Variants in LNPEP observed in about 807,000 individuals in gnomAD.
LNPEP encodes leucyl-cystinyl aminopeptidase.
In LNPEP, 64 loss-of-function variants were observed where a neutral mutation model predicts 120.6. The observed-to-expected ratio is 0.53, with a 90% CI of 0.43 to 0.65. LNPEP has a LOEUF of 0.65. LNPEP is among the 30% of genes least tolerant of loss of function. The pLI, the probability that LNPEP is intolerant of heterozygous loss-of-function variation, is 0.00. For synonymous variants in LNPEP, 435 were observed against 425.4 expected, an observed-to-expected ratio of 1.02 and a Z score of -0.28; for missense variants, 1,057 against 1,200.0, an observed-to-expected ratio of 0.88 and a Z score of 1.76.
intron 7 of LNPEP, 76 bp from the exon 8 acceptor site, chr5:96,997,938 A>T: frequency 9.6e-7 from 1 of 1,046,408 alleles, no homozygotes; most frequent in South Asian, 1.6e-5. Context: ...TAATTAGTCT[A>T]ATTCACATAA....
chr5:96,981,638 G>A (rs1177181472), intron 2 of LNPEP, among the ~76,000 whole-genome samples: 5 of 152,100 alleles, frequency 3.3e-5, no homozygotes, highest in Non-Finnish European at 5.9e-5. Context: ...CTAAAAGTCT[G>A]TTTGCATACT....
chr5:96,947,992 C>T (rs993728592), intron 1 of LNPEP, among the ~76,000 whole-genome samples: 3 of 152,046 alleles, frequency 2.0e-5, no homozygotes, highest in African/African-American at 7.2e-5. Flanking sequence ...ATTTTTATCA[C>T]CTAGACAGAA....
At chr5:96,966,180 A>C (rs1040639901) in intron 1 of LNPEP, among the ~76,000 whole-genome samples, 1 of 152,064 alleles carries the variant, frequency 6.6e-6, no homozygotes. Context: ...TAGACTTCAT[A>C]AATATAACGC....
intron 13 of LNPEP, among the ~76,000 whole-genome samples, chr5:97,016,443 A>G (rs1052458855): frequency 3.3e-5 from 5 of 152,196 alleles, no homozygotes; most frequent in Non-Finnish European, 7.4e-5. Context: ...CCATTAAATA[A>G]ACGAGGAGAC....
rs777894245 is a variant in LNPEP at position 97,026,651 on chromosome 5, C to A, written c.2758C>A (p.Arg920=). The change falls in exon 16 of 18, where the codon CGA becomes AGA. Residue 920 remains arginine, a synonymous_variant. Transcript: ENST00000231368. The part of the protein sequence containing the change: ...MKSSLNGDNF[R]TQKLSFIIRT... Reference sequence around the variant, plus strand: ...AAGTAGCCTGAATGGAGATAACTTCCGAACACAGAAGCTGTCTTTTATCAT... The same window carrying A: ...AAGTAGCCTGAATGGAGATAACTTCAGAACACAGAAGCTGTCTTTTATCAT... 3.1e-6 allele frequency: 5 copies of A among 1,612,934 alleles called. No homozygotes were observed. The highest frequency in any genetic ancestry group is 4.2e-6 in the Non-Finnish European group (5 of 1,179,052).
chr5:96,993,888 A>G lies in LNPEP; in HGVS notation c.1324A>G (p.Thr442Ala). 1 of 1,613,806 alleles carries G rather than the reference A, an allele frequency of 6.2e-7. No homozygotes were observed. The highest frequency in any genetic ancestry group is 1.7e-5 in the Admixed American group (1 of 59,996). The part of the protein sequence containing the change: ...NWGLLTFREE[T>A]LLYDSNTSSM... ...GGGTTTGCTCACCTTCCGAGAGGAGACACTTCTGTATGACAGTAACACTTC... is the reference window on the plus strand; with the variant it reads ...GGGTTTGCTCACCTTCCGAGAGGAGGCACTTCTGTATGACAGTAACACTTC... The change falls in exon 6 of 18, where the codon ACA (threonine) becomes GCA (alanine). Residue 442 changes from threonine to alanine, a missense_variant. Physicochemically the swap from Thr to Ala is moderately conservative, Grantham distance 58. Transcript: ENST00000231368.
chr5:97,017,520 T>C (rs1370074054), intron 13 of LNPEP, among the ~76,000 whole-genome samples: 18 of 152,164 alleles, frequency 1.2e-4, no homozygotes, highest in Admixed American at 1.2e-3. Context: ...AGATATTCTC[T>C]GTTCTCTTCT....
Position 97,033,014 on chromosome 5 carries a change from T to G in LNPEP, c.*4481T>G, listed in dbSNP as rs1384278651. The G allele has an allele frequency of 6.6e-6, 1 of 152,248 alleles. No individual in the cohort carries two copies. Among genetic ancestry groups the G allele is most frequent in the Non-Finnish European group, 1.5e-5 (1 of 68,052 alleles). The allele number at this position is 152,248 out of a possible 1,614,324, so 9.4% of individuals were successfully genotyped here. A position where few individuals can be genotyped will look rare whatever the true frequency, so the allele number is the denominator to read the frequency against. On this transcript the variant is annotated 3_prime_UTR_variant, in exon 18 of 18. Coordinates refer to ENST00000231368, the MANE Select transcript of LNPEP (RefSeq NM_005575.3). ...AGGTTCAGAGTATGACAAATCTCTT[T>G]TCCCTTTTCCTTACTGCCTATTTAG...
chr5:96,943,179 C>T, intron 1 of LNPEP: 1 of 483,118 alleles, frequency 2.1e-6, no homozygotes, highest in Non-Finnish European at 3.1e-6. Flanking sequence ...GTCACCATTG[C>T]AGATGCTTAA....
chr5:97,002,759 G>C (rs576598495), intron 8 of LNPEP, among the ~76,000 whole-genome samples: 1 of 152,126 alleles, frequency 6.6e-6, no homozygotes, highest in African/African-American at 2.4e-5. Context: ...ATTTCAAACC[G>C]GGAAGGTCTT....
intron 1 of LNPEP, among the ~76,000 whole-genome samples, chr5:96,950,919 C>T (rs756701364): frequency 1.3e-5 from 2 of 152,148 alleles, no homozygotes; most frequent in Non-Finnish European, 2.9e-5. Context: ...TCTGCTCTGG[C>T]TGTTAGAATG....
At chr5:96,969,001 T>G (rs1306537043) in intron 1 of LNPEP, among the ~76,000 whole-genome samples, 1 of 152,098 alleles carries the variant, frequency 6.6e-6, no homozygotes, top group African/African-American at 2.4e-5. Context: ...GGAGATTTGT[T>G]TCACATAGCT....
In LNPEP at chr5:97,034,319, T is replaced by C. The variant is rs541811212; in HGVS notation, c.*5786T>C. On this transcript the variant is annotated 3_prime_UTR_variant, in exon 18 of 18. Coordinates refer to ENST00000231368, the MANE Select transcript of LNPEP (RefSeq NM_005575.3). ...GTAATGAAAATTGAGGTTCATTCTATGAAAAAATCTCCCCTTCTCCCCTTC... is the reference window on the plus strand; with the variant it reads ...GTAATGAAAATTGAGGTTCATTCTACGAAAAAATCTCCCCTTCTCCCCTTC... The C allele has an allele frequency of 1.3e-5, 2 of 152,252 alleles. No individual in the cohort carries two copies. Among genetic ancestry groups the C allele is most frequent in the East Asian group, 3.9e-4 (2 of 5,180 alleles). The allele number at this position is 152,252 out of a possible 1,614,324, so 9.4% of individuals were successfully genotyped here.
chr5:97,007,513 A>G (rs1790814979), intron 11 of LNPEP, among the ~76,000 whole-genome samples: 1 of 152,248 alleles, frequency 6.6e-6, no homozygotes, highest in Non-Finnish European at 1.5e-5. Context: ...AATGTTAACT[A>G]TCATTAACGT....
At chr5:96,946,676 AG>A (rs1789192527) in intron 1 of LNPEP, among the ~76,000 whole-genome samples, 1 of 152,250 alleles carries the variant, frequency 6.6e-6, no homozygotes, top group Non-Finnish European at 1.5e-5. Flanking sequence ...GTTAATGATA[AG>A]CAAACTGGCC....
In LNPEP at chr5:97,031,092, A is replaced by G. The variant is rs1791460333; in HGVS notation, c.*2559A>G. ...CAGTATGCTTCTTTTATTTAAGCAC[A>G]CAGATTCATGACACAAGTACTTGTT... is the stretch of plus-strand genomic sequence containing the variant. On this transcript the variant is annotated 3_prime_UTR_variant, in exon 18 of 18. Transcript: ENST00000231368. 6.6e-6 allele frequency: 1 copy of G among 151,864 alleles called. No homozygotes were observed. Among genetic ancestry groups the G allele is most frequent in the South Asian group, 2.1e-4 (1 of 4,780 alleles). 9.4% of individuals were successfully genotyped at this position (151,864 alleles called of 1,614,324 possible).
chr5:97,010,583 G>A, intron 11 of LNPEP: 2 of 985,208 alleles, frequency 2.0e-6, no homozygotes, highest in Non-Finnish European at 2.4e-6. Context: ...GGGTTTTTTA[G>A]TTTCAGAACT....
At chr5:97,007,057 C>T (rs1484690076) in intron 11 of LNPEP, among the ~76,000 whole-genome samples, 1 of 152,062 alleles carries the variant, frequency 6.6e-6, no homozygotes, top group African/African-American at 2.4e-5. Flanking sequence ...TGTATGCTGA[C>T]CTACAATATA....
chr5:96,977,195 TGAAAA>T (rs1323410736), intron 1 of LNPEP, among the ~76,000 whole-genome samples: 1 of 151,806 alleles, frequency 6.6e-6, no homozygotes, highest in African/African-American at 2.4e-5. Context: ...TGAAGTGAAA[TGAAAA>T]GAAAGTTTAT....
Sources: gnomAD v4.1 joint callset for allele counts (sites outside exome capture counted in the v4.1 genomes callset) on GRCh38, gnomAD v4.1.1 for gene constraint, MANE v1.5 for transcripts, NCBI Gene and HGNC (gene_info 2026-07-23, HGNC 2026-07-21) for gene names.